Variants in AFG1L observed in about 807,000 individuals in gnomAD.
AFG1L encodes AFG1 like ATPase, also known as AFG1-like ATPase.
AFG1L carries 53 observed loss-of-function variants against 62.2 expected under a neutral mutation model. The ratio of observed to expected loss-of-function variants is 0.85; its 90% CI spans 0.68 to 1.07. AFG1L has a LOEUF of 1.07. Ranked by LOEUF, AFG1L falls within the 50% of genes least tolerant of loss-of-function variation. The probability of loss-of-function intolerance (pLI) is 0.00; values close to 1 mark genes in which losing one functional copy is unlikely to be tolerated. For synonymous variants in AFG1L, 228 were observed against 210.3 expected (o/e 1.08, Z -0.73); for missense variants, 555 against 590.5 (o/e 0.94, Z 0.62).
intron 2 of AFG1L, among the ~76,000 whole-genome samples, chr6:108,331,672 G>C (rs1413320331): frequency 2.0e-5 from 3 of 152,220 alleles, no homozygotes; most frequent in Admixed American, 2.0e-4. Flanking sequence ...TTATTGTGCT[G>C]TGAGGTAATT....
At chr6:108,317,392 G>A (rs954575779) in intron 1 of AFG1L, among the ~76,000 whole-genome samples, 2 of 152,152 alleles carry the variant, frequency 1.3e-5, no homozygotes, top group African/African-American at 4.8e-5. Flanking sequence ...ATAGGGGTGT[G>A]GAAATCGATC....
intron 7 of AFG1L, among the ~76,000 whole-genome samples, chr6:108,413,488 T>C (rs944474947): frequency 1.3e-5 from 2 of 152,098 alleles, no homozygotes; most frequent in African/African-American, 4.8e-5. Context: ...CACATCACAC[T>C]TATTCCAAAA....
In AFG1L at chr6:108,295,112, G is replaced by C. The variant is rs1776709226; in HGVS notation, c.33G>C (p.Leu11=). Residue 11 remains leucine, a synonymous_variant, in exon 1 of 13, where the codon CTG becomes CTC. Coordinates refer to ENST00000368977, the MANE Select transcript of AFG1L (RefSeq NM_145315.5). Reference sequence around the variant, plus strand: ...CCTCCTGGTCGCTCTTGGTTACCCTGCGCCCCTTAGCACAGAGCCCGCTGA... The same window carrying C: ...CCTCCTGGTCGCTCTTGGTTACCCTCCGCCCCTTAGCACAGAGCCCGCTGA... MAASWSLLVT[L]RPLAQSPLRG... is the part of the protein sequence containing the mutation. 1.9e-6 allele frequency: 3 copies of C among 1,611,342 alleles called. No individual in the cohort carries two copies. Among genetic ancestry groups the C allele is most frequent in the Admixed American group, 1.7e-5 (1 of 60,008 alleles).
intron 8 of AFG1L, among the ~76,000 whole-genome samples, chr6:108,472,532 C>T (rs1427238789): frequency 6.6e-6 from 1 of 152,018 alleles, no homozygotes; most frequent in African/African-American, 2.4e-5. Flanking sequence ...TTTTTTTAAA[C>T]GAATGTCCAT....
intron 6 of AFG1L, among the ~76,000 whole-genome samples, chr6:108,398,946 A>T (rs969095968): frequency 2.0e-5 from 3 of 152,142 alleles, no homozygotes; most frequent in Admixed American, 2.0e-4. Context: ...TTCTGATTCC[A>T]TATAAATTTT....
intron 6 of AFG1L, among the ~76,000 whole-genome samples, chr6:108,393,023 C>T (rs1347724394): frequency 2.0e-5 from 3 of 152,064 alleles, no homozygotes; most frequent in African/African-American, 4.8e-5. Flanking sequence ...TAGCTATTCA[C>T]TGTTGAGAAT....
chr6:108,326,359 C>T (rs1778043277), intron 2 of AFG1L, among the ~76,000 whole-genome samples: 1 of 152,172 alleles, frequency 6.6e-6, no homozygotes. Flanking sequence ...GTGTGAGTCA[C>T]CACACTCAGC....
intron 8 of AFG1L, among the ~76,000 whole-genome samples, chr6:108,473,614 A>G (rs1207649738): frequency 6.6e-6 from 1 of 152,054 alleles, no homozygotes; most frequent in African/African-American, 2.4e-5. Flanking sequence ...CTGGAGTGCA[A>G]TGGCACAATC....
At chr6:108,336,290 G>A (rs529971627) in intron 2 of AFG1L, among the ~76,000 whole-genome samples, 1 of 152,270 alleles carries the variant, frequency 6.6e-6, no homozygotes, top group African/African-American at 2.4e-5. Context: ...GGGGAATGGA[G>A]AGAAACAGGA....
chr6:108,313,170 G>T (rs1445827901), intron 1 of AFG1L, among the ~76,000 whole-genome samples: 3 of 152,122 alleles, frequency 2.0e-5, no homozygotes, highest in Non-Finnish European at 2.9e-5. Context: ...GTGGAGTCAG[G>T]TGAGGAATCT....
intron 5 of AFG1L, among the ~76,000 whole-genome samples, chr6:108,362,246 A>C (rs538469598): frequency 1.1e-4 from 16 of 152,272 alleles, no homozygotes; most frequent in African/African-American, 3.6e-4. Flanking sequence ...GTCTTGTTTT[A>C]ATTTGTATTC....
At chr6:108,440,164 G>C (rs1264286515) in intron 7 of AFG1L, among the ~76,000 whole-genome samples, 1 of 151,968 alleles carries the variant, frequency 6.6e-6, no homozygotes, top group East Asian at 1.9e-4. Flanking sequence ...CACTTTTTCA[G>C]TTCAAAAAAG....
intron 4 of AFG1L, among the ~76,000 whole-genome samples, chr6:108,356,424 T>C (rs924127342): frequency 3.3e-5 from 5 of 152,338 alleles, no homozygotes; most frequent in African/African-American, 1.2e-4. Context: ...CACTTGTCTA[T>C]TACCTTGTCA....
chr6:108,434,178 A>G (rs979223088), intron 7 of AFG1L, among the ~76,000 whole-genome samples: 3 of 152,244 alleles, frequency 2.0e-5, no homozygotes, highest in Non-Finnish European at 4.4e-5. Flanking sequence ...CATAGTACCC[A>G]TGTTCACCTT....
rs1387571002 is a variant in AFG1L, at chr6:108,505,473, A to C, written c.1063-4739A>C. Among the ~76,000 whole-genome samples the C allele has an allele frequency of 3.3e-5, 5 of 152,186 alleles. No individual in the cohort carries two copies. In the East Asian group the frequency reaches 9.6e-4, roughly 29 times the overall value. The stretch of plus-strand genomic sequence containing the variant: ...AACCAGGCATATGAGGAGACAAGAC[A>C]TTGTGAATGAGAACAAACAAAAACA... On this transcript the variant is annotated intron_variant, in intron 10 of 12. Transcript: ENST00000368977.
chr6:108,303,009 T>C (rs1410856528), intron 1 of AFG1L, among the ~76,000 whole-genome samples: 1 of 151,978 alleles, frequency 6.6e-6, no homozygotes, highest in Non-Finnish European at 1.5e-5. Context: ...GCCTCCCAGG[T>C]TCATGCGATT....
At chr6:108,365,501 T>G (rs1441583413) in intron 5 of AFG1L, among the ~76,000 whole-genome samples, 2 of 150,196 alleles carry the variant, frequency 1.3e-5, no homozygotes, top group African/African-American at 4.9e-5. Context: ...TGTTTTTTTT[T>G]TTTTTGGTAG....
chr6:108,522,520 A>G lies in AFG1L; in HGVS notation c.*95A>G. ...TGAAGGAATCATTTTCTCATCATTA[A>G]TTATGCACTTTGTCCTCTGGACCAT... is the stretch of plus-strand genomic sequence containing the variant. On this transcript the variant is annotated 3_prime_UTR_variant, in exon 13 of 13. Transcript: ENST00000368977. The G allele has an allele frequency of 7.3e-7, 1 of 1,377,086 alleles. No homozygotes were observed. The highest frequency in any genetic ancestry group is 9.9e-7 in the Non-Finnish European group (1 of 1,011,076). The allele number at this position is 1,377,086 out of a possible 1,614,324, so 85.3% of individuals were successfully genotyped here. A position where few individuals can be genotyped will look rare whatever the true frequency, so the allele number is the denominator to read the frequency against.
chr6:108,300,846 G>A (rs1006845996), intron 1 of AFG1L, among the ~76,000 whole-genome samples: 3 of 151,770 alleles, frequency 2.0e-5, no homozygotes, highest in African/African-American at 7.3e-5. Context: ...CTAATTTTTT[G>A]TATTTTTAGT....
Sources: gnomAD v4.1 joint callset for allele counts (sites outside exome capture counted in the v4.1 genomes callset) on GRCh38, gnomAD v4.1.1 for gene constraint, MANE v1.5 for transcripts, NCBI Gene and HGNC (gene_info 2026-07-23, HGNC 2026-07-21) for gene names.